Variants in PACRG observed in about 807,000 individuals in gnomAD.
The protein encoded by PACRG is parkin coregulated.
A neutral mutation model predicts 29.7 loss-of-function variants in PACRG; 29 were observed. The observed-to-expected ratio is 0.98, with a 90% confidence interval of 0.73 to 1.33. PACRG has a LOEUF of 1.33. Ranked by LOEUF, PACRG falls within the 40% of genes most tolerant of loss-of-function variation. The pLI, the probability that PACRG is intolerant of heterozygous loss-of-function variation, is 0.00. For missense variants in PACRG, 279 were observed against 316.2 expected, an observed-to-expected ratio of 0.88 and a Z score of 0.89; for synonymous variants, 116 against 118.7, an observed-to-expected ratio of 0.98 and a Z score of 0.15.
At chr6:162,750,756 C>G (rs1781449886) in intron 1 of PACRG, among the ~76,000 whole-genome samples, 1 of 152,198 alleles carries the variant, frequency 6.6e-6, no homozygotes, top group African/African-American at 2.4e-5. Context: ...TTGTGAAGTA[C>G]AAGGTACTTG....
chr6:163,151,963 T>C (rs1778111829), intron 4 of PACRG, among the ~76,000 whole-genome samples: 1 of 152,206 alleles, frequency 6.6e-6, no homozygotes, highest in South Asian at 2.1e-4. Flanking sequence ...TCCACTGTTT[T>C]TCTTTTCTCT....
At chr6:163,046,135 C>T (rs750642218) in intron 2 of PACRG, among the ~76,000 whole-genome samples, 19 of 151,654 alleles carry the variant, frequency 1.3e-4, no homozygotes, top group East Asian at 6.1e-4. Context: ...ACCCTAACAA[C>T]GAGCCACTGT....
intron 4 of PACRG, among the ~76,000 whole-genome samples, chr6:163,256,686 G>C (rs1443947887): frequency 6.6e-6 from 1 of 152,180 alleles, no homozygotes; most frequent in Non-Finnish European, 1.5e-5. Flanking sequence ...AGGCAAGAGT[G>C]GTAGGAGGTG....
intron 2 of PACRG, among the ~76,000 whole-genome samples, chr6:162,992,077 C>A (rs931642358): frequency 1.4e-4 from 20 of 142,874 alleles, no homozygotes; most frequent in Non-Finnish European, 1.5e-4. Flanking sequence ...GCCTTTCATC[C>A]CAGGGATGAA....
intron 2 of PACRG, among the ~76,000 whole-genome samples, chr6:162,947,384 A>G (rs868336568): frequency 0.024 from 892 of 37,936 alleles, 65 homozygotes; most frequent in Middle Eastern, 0.1. Context: ...AATCATATAT[A>G]TAATCATATA....
At position 163,015,972 on chromosome 6, in the gene PACRG, G is replaced by A. The variant is rs115248191; in HGVS notation, c.292-46178G>A. Among the ~76,000 whole-genome samples the A allele has an allele frequency of 9.7e-3, 1,471 of 152,082 alleles. 24 individuals are homozygous for A. Among genetic ancestry groups the A allele is most frequent in the African/African-American group, 0.034 (1,414 of 41,484 alleles). ...GGCTGAATTAGAAGCAAAGAGAGAG[G>A]GTATGACCTGTGTAATACCTTGTGT... On this transcript the variant is annotated intron_variant, in intron 2 of 4. Transcript: ENST00000366888.
At chr6:163,084,924 C>A (rs1357203390) in intron 3 of PACRG, among the ~76,000 whole-genome samples, 1 of 136,004 alleles carries the variant, frequency 7.4e-6, no homozygotes, top group East Asian at 2.4e-4. Context: ...ACAGGGCAAA[C>A]TTCTTCTCTC....
At chr6:163,132,695 C>T (rs1014408883) in intron 4 of PACRG, among the ~76,000 whole-genome samples, 7 of 152,184 alleles carry the variant, frequency 4.6e-5, no homozygotes, top group African/African-American at 1.7e-4. Context: ...CTATACTCAA[C>T]TCATGAATTA....
intron 1 of PACRG, among the ~76,000 whole-genome samples, chr6:162,738,238 G>A (rs780802860): frequency 3.4e-4 from 52 of 152,166 alleles, no homozygotes; most frequent in African/African-American, 1.2e-3. Context: ...AGAGATAGAT[G>A]CAGAGATATA....
intron 2 of PACRG, among the ~76,000 whole-genome samples, chr6:162,995,270 C>T (rs1803885622): frequency 6.7e-6 from 1 of 148,348 alleles, no homozygotes; most frequent in Admixed American, 6.7e-5. Context: ...GGGCTCCACC[C>T]AGTTCGAGCT....
intron 4 of PACRG, among the ~76,000 whole-genome samples, chr6:163,203,654 A>G (rs1780793421): frequency 6.6e-6 from 1 of 152,232 alleles, no homozygotes; most frequent in Admixed American, 6.5e-5. Flanking sequence ...TTCTGAATCC[A>G]TAGGACAATA....
At chr6:162,947,608 A>AT (rs1554313269) in intron 2 of PACRG, among the ~76,000 whole-genome samples, 31 of 66,354 alleles carry the variant, frequency 4.7e-4, no homozygotes, top group South Asian at 1.5e-3. Context: ...ATATATATAT[A>AT]ATCATATATA....
chr6:162,892,560 GAGC>G (rs1794843358), intron 2 of PACRG, among the ~76,000 whole-genome samples: 1 of 152,066 alleles, frequency 6.6e-6, no homozygotes, highest in Admixed American at 6.6e-5. Context: ...GCACCCCCGT[GAGC>G]CCAGCGCGTT....
chr6:163,250,570 C>T (rs145037330), intron 4 of PACRG, among the ~76,000 whole-genome samples: 1,577 of 152,270 alleles, frequency 0.01, 23 homozygotes, highest in African/African-American at 0.036. Flanking sequence ...CAAACAGTGA[C>T]AGTTTGACTT....
In PACRG at chr6:163,130,188, G is replaced by A. The variant is rs6901206; in HGVS notation, c.613+40780G>A. On this transcript the variant is annotated intron_variant, in intron 4 of 4. Transcript: ENST00000366888. ...AGCCGCTTAGTCCTATGTGTGCCTT[G>A]ACTATGTGTATCCCACTGGAATGAA... 1.7e-3 allele frequency among the ~76,000 whole-genome samples: 255 copies of A among 152,264 alleles called. 2 individuals are homozygous for A. Among genetic ancestry groups the A allele is most frequent in the African/African-American group, 6.0e-3 (249 of 41,556 alleles).
chr6:162,922,519 TG>T (rs1333703433), intron 2 of PACRG, among the ~76,000 whole-genome samples: 1 of 152,042 alleles, frequency 6.6e-6, no homozygotes, highest in Admixed American at 6.6e-5. Flanking sequence ...ATTCCTCCTA[TG>T]TAGCTATAAT....
rs1348894491 is a variant in PACRG at position 163,160,155 on chromosome 6, C to A, written c.613+70747C>A. Among the ~76,000 whole-genome samples the A allele has an allele frequency of 2.0e-5, 3 of 152,340 alleles. No individual in the cohort carries two copies. The South Asian group carries it at 6.2e-4, about 32-fold the overall frequency. On this transcript the variant is annotated intron_variant, in intron 4 of 4. Transcript: ENST00000366888. The stretch of plus-strand genomic sequence containing the variant: ...GTCCAAGACATGGATTCATTGTCAT[C>A]TCTTATATTTTTTGGACACAAGTTT...
chr6:162,919,753 A>T (rs1796938663), intron 2 of PACRG, among the ~76,000 whole-genome samples: 2 of 152,212 alleles, frequency 1.3e-5, no homozygotes, highest in Non-Finnish European at 2.9e-5. Flanking sequence ...ATGTAACCTC[A>T]TGTATATGTA....
At chr6:162,867,441 C>G (rs968194673) in intron 2 of PACRG, among the ~76,000 whole-genome samples, 3 of 152,164 alleles carry the variant, frequency 2.0e-5, no homozygotes, top group Admixed American at 2.0e-4. Context: ...GGCCTTCATC[C>G]CCTGCACCCT....
Sources: gnomAD v4.1 joint callset for allele counts (sites outside exome capture counted in the v4.1 genomes callset) on GRCh38, gnomAD v4.1.1 for gene constraint, MANE v1.5 for transcripts, NCBI Gene and HGNC (gene_info 2026-07-23, HGNC 2026-07-21) for gene names.